FLOT2: variants seen among roughly 807,000 people sequenced by gnomAD.
The protein encoded by FLOT2 is flotillin-2.
A neutral mutation model predicts 54.9 loss-of-function variants in FLOT2; 35 were observed. The ratio of observed to expected loss-of-function variants is 0.64; its 90% CI spans 0.49 to 0.84. The LOEUF is 0.84. FLOT2 is among the 40% of genes least tolerant of loss of function. FLOT2 has a pLI of 0.00. For missense variants in FLOT2, 464 were observed against 572.1 expected, an observed-to-expected ratio of 0.81 and a Z score of 1.93; for synonymous variants, 207 against 228.9, an observed-to-expected ratio of 0.90 and a Z score of 0.86.
rs2039483740 is a variant in FLOT2, at chr17:28,883,097, C to T, written c.346+11G>A. 2 of 1,613,896 alleles carry T rather than the reference C, an allele frequency of 1.2e-6. No homozygotes were observed. The highest frequency in any genetic ancestry group is 1.1e-5 in the South Asian group (1 of 91,066). On this transcript the variant is annotated intron_variant, in intron 4 of 10. Coordinates refer to ENST00000394908, the MANE Select transcript of FLOT2 (RefSeq NM_004475.3). This position sits in a 1 kb window ranked among gnomAD's most constrained non-coding sequence, Gnocchi z 5.0. ...CCCGTGAGGCTCCTCAAAGGCTGAA[C>T]AGGGCCTCACCGAGGATGGAGCGCA...
At position 28,897,040 on chromosome 17, in the gene FLOT2, C is replaced by T. The variant is rs916411212; in HGVS notation, c.49+486G>A. ...GCCGGTAATCCCCAACAAGCCCCAG[C>T]CTGCTTGGAATTAACGGGTCTGACT... is the stretch of plus-strand genomic sequence containing the variant. On this transcript the variant is annotated intron_variant, in intron 1 of 10. Coordinates refer to ENST00000394908, the MANE Select transcript of FLOT2 (RefSeq NM_004475.3). This position sits in a 1 kb window ranked among gnomAD's most constrained non-coding sequence, Gnocchi z 4.4. Among the ~76,000 whole-genome samples the T allele has an allele frequency of 5.9e-5, 9 of 152,242 alleles. No individual in the cohort carries two copies. Among genetic ancestry groups the T allele is most frequent in the Middle Eastern group, 3.2e-3 (1 of 316 alleles).
intron 2 of FLOT2, among the ~76,000 whole-genome samples, chr17:28,886,736 A>T (rs1441114021): frequency 6.6e-6 from 1 of 152,160 alleles, no homozygotes; most frequent in Non-Finnish European, 1.5e-5. Context: ...GGTTTCCCTA[A>T]ATCAGAGGAA....
intron 1 of FLOT2, among the ~76,000 whole-genome samples, chr17:28,894,615 C>T (rs2039709897): frequency 8.7e-6 from 1 of 115,514 alleles, no homozygotes; most frequent in African/African-American, 3.2e-5. Context: ...CAGAGCAAGA[C>T]CTTTTTTTTT....
At position 28,884,066 on chromosome 17, in the gene FLOT2, A is replaced by G. The variant is rs1419568116; in HGVS notation, c.222+159T>C. Among the ~76,000 whole-genome samples the G allele has an allele frequency of 6.6e-6, 1 of 152,178 alleles. No homozygotes were observed. The highest frequency in any genetic ancestry group is 6.5e-5 in the Admixed American group (1 of 15,286). On this transcript the variant is annotated intron_variant, in intron 3 of 10. Coordinates refer to ENST00000394908, the MANE Select transcript of FLOT2 (RefSeq NM_004475.3). This position sits in a 1 kb window ranked among gnomAD's most constrained non-coding sequence, Gnocchi z 5.1. ...CAAAATGGCCCGGTGAGCATGTTCCAGTGGCGACGACCTGACTAGCCCTCT... is the reference window on the plus strand; with the variant it reads ...CAAAATGGCCCGGTGAGCATGTTCCGGTGGCGACGACCTGACTAGCCCTCT...
intron 1 of FLOT2, among the ~76,000 whole-genome samples, chr17:28,891,710 T>C (rs1312028747): frequency 6.6e-6 from 1 of 152,242 alleles, no homozygotes; most frequent in Non-Finnish European, 1.5e-5. Flanking sequence ...CTGTGGCTCC[T>C]GTCCACATTG....
intron 1 of FLOT2, among the ~76,000 whole-genome samples, chr17:28,896,911 T>C (rs2039750761): frequency 6.6e-6 from 1 of 152,140 alleles, no homozygotes; most frequent in African/African-American, 2.4e-5. Context: ...CCCACCTAGA[T>C]AGAAATTCTG....
chr17:28,880,455 G>C lies in FLOT2; in HGVS notation c.*106C>G, dbSNP rs1433253090. 27 of 1,538,448 alleles carry C rather than the reference G, an allele frequency of 1.8e-5. No homozygotes were observed. Among genetic ancestry groups the C allele is most frequent in the Middle Eastern group, 4.7e-4 (2 of 4,234 alleles). ...AACACGCAGCACTTCTGGTCCCTTC[G>C]AGATAAGGCACCAGAGTCAGTAACG... On this transcript the variant is annotated 3_prime_UTR_variant, in exon 11 of 11. Transcript: ENST00000394908.
intron 1 of FLOT2, among the ~76,000 whole-genome samples, chr17:28,893,684 C>A (rs1040339170): frequency 3.3e-5 from 5 of 152,186 alleles, no homozygotes; most frequent in Non-Finnish European, 7.4e-5. Context: ...GACAGGCAGC[C>A]CAGCGCCAGG....
intron 1 of FLOT2, among the ~76,000 whole-genome samples, chr17:28,895,588 A>G (rs187133885): frequency 2.0e-5 from 3 of 152,264 alleles, no homozygotes; most frequent in Admixed American, 2.0e-4. Flanking sequence ...TACCAGAAAT[A>G]ACTGTAGTGT....
At position 28,879,468 on chromosome 17, in the gene FLOT2, G is replaced by A. The variant is rs916125259; in HGVS notation, c.*1093C>T. The A allele has an allele frequency of 5.1e-6, 5 of 987,166 alleles. No individual in the cohort carries two copies. Among genetic ancestry groups the A allele is most frequent in the South Asian group, 4.7e-5 (1 of 21,322 alleles). The allele number at this position is 987,166 out of a possible 1,614,324, so 61.2% of individuals were successfully genotyped here. A position where few individuals can be genotyped will look rare whatever the true frequency, so the allele number is the denominator to read the frequency against. On this transcript the variant is annotated 3_prime_UTR_variant, in exon 11 of 11. Coordinates refer to ENST00000394908, the MANE Select transcript of FLOT2 (RefSeq NM_004475.3). ...CACAGGCTGGGGCAGGGCCAGGGTG[G>A]GGAGCTGGGACCACTGGACATTCAC...
Position 28,880,161 on chromosome 17 carries a change from AG to A in FLOT2, c.*399del. The A allele has an allele frequency of 9.3e-7, 1 of 1,078,012 alleles. No individual in the cohort carries two copies. The highest frequency in any genetic ancestry group is 1.1e-6 in the Non-Finnish European group (1 of 885,290). 66.8% of individuals were successfully genotyped at this position (1,078,012 alleles called of 1,614,324 possible). The stretch of plus-strand genomic sequence containing the variant: ...CATGCTGAGCTCTGGCCAGGGCCAT[AG>A]GGAGGATGGACAGATGCACAGAGAA... On this transcript the variant is annotated 3_prime_UTR_variant, in exon 11 of 11. Coordinates refer to ENST00000394908, the MANE Select transcript of FLOT2 (RefSeq NM_004475.3).
Position 28,882,396 on chromosome 17 carries a change from C to T in FLOT2, c.520G>A (p.Val174Met), listed in dbSNP as rs376860005. 9 of 1,614,002 alleles carry T rather than the reference C, an allele frequency of 5.6e-6. No homozygotes were observed. Among genetic ancestry groups the T allele is most frequent in the South Asian group, 1.1e-5 (1 of 91,090 alleles). The change falls in exon 6 of 11, where the codon GTG becomes ATG. Residue 174 changes from valine to methionine, a missense_variant. Physicochemically the swap from Val to Met is conservative, Grantham distance 21. Coordinates refer to ENST00000394908, the MANE Select transcript of FLOT2 (RefSeq NM_004475.3). The surrounding 1 kb of genome is among the most constrained non-coding windows in gnomAD (Gnocchi z 5.6). The stretch of plus-strand genomic sequence containing the variant: ...CCAATGTCAGCATCTCTCTGCACCA[C>T]GGCAGTCTGCGTCTTGCCCAGGGAG... Reference protein sequence around the residue: ...LSSLGKTQTAVVQRDADIGVA... With the variant: ...LSSLGKTQTAMVQRDADIGVA...
At chr17:28,891,573 T>C (rs947388467) in intron 1 of FLOT2, among the ~76,000 whole-genome samples, 2 of 152,188 alleles carry the variant, frequency 1.3e-5, no homozygotes, top group African/African-American at 4.8e-5. Context: ...GGTAGGAATG[T>C]TCTATATCTT....
In FLOT2 at chr17:28,882,516, C is replaced by T; in HGVS notation, c.465+57G>A. 2 of 1,586,654 alleles carry T rather than the reference C, an allele frequency of 1.3e-6. No homozygotes were observed. The highest frequency in any genetic ancestry group is 1.1e-5 in the South Asian group (1 of 90,530). ...CAGAGGCACAAAGGTGCCCCTCTAA[C>T]AAAGCCACCATCTCCCAGATGGACG... On this transcript the variant is annotated intron_variant, in intron 5 of 10. Transcript: ENST00000394908. The surrounding 1 kb of genome is among the most constrained non-coding windows in gnomAD (Gnocchi z 5.6).
chr17:28,886,918 C>T (rs1178631844), intron 2 of FLOT2, among the ~76,000 whole-genome samples: 1 of 152,168 alleles, frequency 6.6e-6, no homozygotes. Context: ...ATTCGAGCCC[C>T]TAACACTAGC....
chr17:28,884,368 G>T lies in FLOT2; in HGVS notation c.132-53C>A. 8.0e-7 allele frequency: 1 copy of T among 1,255,260 alleles called. No individual in the cohort carries two copies. The highest frequency in any genetic ancestry group is 1.1e-6 in the Non-Finnish European group (1 of 875,302). The allele number at this position is 1,255,260 out of a possible 1,614,324, so 77.8% of individuals were successfully genotyped here. A position where few individuals can be genotyped will look rare whatever the true frequency, so the allele number is the denominator to read the frequency against. On this transcript the variant is annotated intron_variant, in intron 2 of 10. Coordinates refer to ENST00000394908, the MANE Select transcript of FLOT2 (RefSeq NM_004475.3). This position sits in a 1 kb window ranked among gnomAD's most constrained non-coding sequence, Gnocchi z 5.1. ...GGGTCTGGGGGCGCAGGGCCTGGTGGTGTTGGGAAAGAGGCCAGTACCTCA... is the reference window on the plus strand; with the variant it reads ...GGGTCTGGGGGCGCAGGGCCTGGTGTTGTTGGGAAAGAGGCCAGTACCTCA...
chr17:28,880,581 C>G lies in FLOT2; in HGVS notation c.1267G>C (p.Ala423Pro). 6.2e-7 allele frequency: 1 copy of G among 1,614,054 alleles called. No homozygotes were observed. Among genetic ancestry groups the G allele is most frequent in the South Asian group, 1.1e-5 (1 of 91,048 alleles). ...GAGCCTCACACCTGCACACCAGTGG[C>G]CTTCTTGATCAGGGGTATCTGCAAG... ...DLSKIPLIKK[A>P]TGVQV The change falls in exon 11 of 11, where the codon GCC becomes CCC. Residue 423 changes from alanine to proline, a missense_variant. Ala to Pro is a conservative substitution (Grantham distance 27). Coordinates refer to ENST00000394908, the MANE Select transcript of FLOT2 (RefSeq NM_004475.3).
At chr17:28,891,844 C>T (rs761414780) in intron 1 of FLOT2, among the ~76,000 whole-genome samples, 9 of 152,144 alleles carry the variant, frequency 5.9e-5, no homozygotes, top group Non-Finnish European at 1.2e-4. Flanking sequence ...AAATAAAGAA[C>T]CGCTCCACCT....
In FLOT2 at chr17:28,880,418, A is replaced by T; in HGVS notation, c.*143T>A. 6.7e-7 allele frequency: 1 copy of T among 1,503,124 alleles called. No individual in the cohort carries two copies. Among genetic ancestry groups the T allele is most frequent in the Non-Finnish European group, 8.9e-7 (1 of 1,127,492 alleles). 93.1% of individuals were successfully genotyped at this position (1,503,124 alleles called of 1,614,324 possible). A position where few individuals can be genotyped will look rare whatever the true frequency, so the allele number is the denominator to read the frequency against. Reference sequence around the variant, plus strand: ...AGACAGGAGAGACAGGAAGACAGCCAGAGATGGCCTGAACACGCAGCACTT... The same window carrying T: ...AGACAGGAGAGACAGGAAGACAGCCTGAGATGGCCTGAACACGCAGCACTT... On this transcript the variant is annotated 3_prime_UTR_variant, in exon 11 of 11. Transcript: ENST00000394908.
Sources: allele counts gnomAD v4.1 joint callset (sites outside exome capture counted in the v4.1 genomes callset), GRCh38; gene constraint gnomAD v4.1.1; non-coding constraint Gnocchi (gnomAD v3.1); transcripts MANE v1.5; gene names NCBI Gene and HGNC (gene_info 2026-07-23, HGNC 2026-07-21).